GPM6B: variants seen among roughly 807,000 people sequenced by gnomAD.
GPM6B encodes the protein glycoprotein M6B.
GPM6B carries 4 observed loss-of-function variants against 27.2 expected under a neutral mutation model. The observed-to-expected ratio is 0.15, with a 90% confidence interval of 0.07 to 0.34. GPM6B has a LOEUF of 0.34. Ranked by LOEUF, GPM6B falls within the 10% of genes least tolerant of loss-of-function variation. GPM6B has a pLI of 1.00. For synonymous variants in GPM6B, 124 were observed against 103.1 expected (o/e 1.20, Z -1.23); for missense variants, 183 against 261.9 (o/e 0.70, Z 2.08).
chrX:13,837,393 G>A (rs1300131997), intron 1 of GPM6B, among the ~76,000 whole-genome samples: 3 of 111,526 alleles, frequency 2.7e-5, no homozygotes, highest in African/African-American at 9.8e-5. Flanking sequence ...GGGCCGCTGA[G>A]TCACCAGTAG....
intron 2 of GPM6B, among the ~76,000 whole-genome samples, chrX:13,787,117 A>G (rs1394573200): frequency 9.3e-6 from 1 of 107,730 alleles, no homozygotes; most frequent in Non-Finnish European, 1.9e-5. Flanking sequence ...ACCCAGCATA[A>G]AACACCATAG....
At chrX:13,856,065 T>G (rs1167676923) in intron 1 of GPM6B, among the ~76,000 whole-genome samples, 1 of 112,000 alleles carries the variant, frequency 8.9e-6, no homozygotes, top group African/African-American at 3.2e-5. Flanking sequence ...TCTTGCTATT[T>G]TATCCTGTAA....
chrX:13,807,059 T>C (rs1461647221), intron 2 of GPM6B, among the ~76,000 whole-genome samples: 1 of 112,203 alleles, frequency 8.9e-6, no homozygotes, highest in East Asian at 2.8e-4. Flanking sequence ...GAATGGCCAA[T>C]GTTCCTCACG....
chrX:13,916,254 G>A (rs1198605962), intron 1 of GPM6B, among the ~76,000 whole-genome samples: 1 of 112,126 alleles, frequency 8.9e-6, no homozygotes, highest in Admixed American at 9.4e-5. Context: ...ATGGATAAAA[G>A]AGAAGCTCAC....
intron 1 of GPM6B, among the ~76,000 whole-genome samples, chrX:13,840,264 G>T (rs762113423): frequency 9.0e-6 from 1 of 111,178 alleles, no homozygotes; most frequent in African/African-American, 3.3e-5. Flanking sequence ...CAACCCTCCA[G>T]GCTCAGCTCT....
At chrX:13,857,971 C>G (rs2049800800) in intron 1 of GPM6B, among the ~76,000 whole-genome samples, 1 of 112,594 alleles carries the variant, frequency 8.9e-6, no homozygotes, top group Admixed American at 9.4e-5. Context: ...GTGCCAGAAA[C>G]TGAAAGAATA....
intron 1 of GPM6B, among the ~76,000 whole-genome samples, chrX:13,924,921 T>G (rs1481016680): frequency 8.9e-6 from 1 of 112,565 alleles, no homozygotes; most frequent in African/African-American, 3.2e-5. Flanking sequence ...AAGAACTGAT[T>G]TGACTTCTCA....
upstream of GPM6B, among the ~76,000 whole-genome samples, chrX:13,819,822 G>A (rs2049287303): frequency 8.9e-6 from 1 of 112,070 alleles, no homozygotes; most frequent in Admixed American, 9.5e-5. Context: ...ATGGATGGAG[G>A]GGGAAGAGAA....
Position 13,848,202 on chromosome X carries a change from T to A in GPM6B, c.-197-62394A>T, listed in dbSNP as rs554035107. Among the ~76,000 whole-genome samples the A allele has an allele frequency of 2.7e-5, 3 of 112,059 alleles. No homozygotes were observed. In the South Asian group the frequency reaches 1.1e-3, roughly 42 times the overall value. ...TGGGTGCATAAAGACCCAGATCCTT[T>A]GTCCAGCCAACCTTGCAGAGCCTTC... On this transcript the variant is annotated intron_variant, in intron 1 of 6. Transcript: ENST00000398361.
At chrX:13,886,940 C>A (rs959724670) in intron 1 of GPM6B, among the ~76,000 whole-genome samples, 8 of 110,050 alleles carry the variant, frequency 7.3e-5, no homozygotes, top group African/African-American at 2.7e-4. Context: ...CCTCAGCCTC[C>A]CGAGTAGCTG....
chrX:13,920,266 CA>C (rs144988935), intron 1 of GPM6B, among the ~76,000 whole-genome samples: 108 of 22,303 alleles, frequency 4.8e-3, no homozygotes, highest in African/African-American at 0.016. Flanking sequence ...GACTCTGTCT[CA>C]AAAAAAAAAA....
At chrX:13,785,834 G>A (rs1452278751) in intron 2 of GPM6B, 26 bp from the exon 3 acceptor site, 7 of 1,139,997 alleles carry the variant, frequency 6.1e-6, no homozygotes, top group Non-Finnish European at 8.4e-6. Context: ...AGAAAATATA[G>A]CCGTTACGGG....
intron 1 of GPM6B, among the ~76,000 whole-genome samples, chrX:13,810,434 G>C (rs764449982): frequency 2.7e-5 from 3 of 111,533 alleles, no homozygotes; most frequent in Non-Finnish European, 5.6e-5. Context: ...CCCAATAAAC[G>C]CTGGCTGAAT....
intron 1 of GPM6B, among the ~76,000 whole-genome samples, chrX:13,911,891 C>T (rs917937742): frequency 8.9e-6 from 1 of 112,362 alleles, no homozygotes; most frequent in African/African-American, 3.2e-5. Context: ...CATTTCCCTT[C>T]ACACTGAGGA....
Position 13,771,387 on chromosome X carries a change from T to TAAA in GPM6B, c.*1491_*1493dup, listed in dbSNP as rs36124011. On this transcript the variant is annotated 3_prime_UTR_variant, in exon 8 of 8. Coordinates refer to ENST00000316715, the MANE Select transcript of GPM6B (RefSeq NM_001001995.3). ...ACACAGAAGAGAGCTTCTCTTAATT[T>TAAA]AAAAAAAAAAAAAAATCCCAAATAG... 4.0e-5 allele frequency: 4 copies of TAAA among 100,826 alleles called. No homozygotes were observed. Among genetic ancestry groups the TAAA allele is most frequent in the Non-Finnish European group, 8.2e-5 (4 of 49,047 alleles). 8.3% of individuals were successfully genotyped at this position (100,826 alleles called of 1,213,427 possible). A position where few individuals can be genotyped will look rare whatever the true frequency, so the allele number is the denominator to read the frequency against.
At chrX:13,935,677 T>A (rs952487238) in intron 1 of GPM6B, among the ~76,000 whole-genome samples, 2 of 112,601 alleles carry the variant, frequency 1.8e-5, no homozygotes, top group Non-Finnish European at 3.7e-5. Context: ...TTCAGGCCTA[T>A]GAACAAGGTA....
At chrX:13,892,075 A>G (rs957820032) in intron 1 of GPM6B, among the ~76,000 whole-genome samples, 3 of 111,727 alleles carry the variant, frequency 2.7e-5, no homozygotes, top group African/African-American at 9.8e-5. Flanking sequence ...TGTGTACCTA[A>G]GAAGCATTTC....
chrX:13,825,708 CACTTTCTA>C (rs964690687), intron 1 of GPM6B, among the ~76,000 whole-genome samples: 11 of 112,565 alleles, frequency 9.8e-5, no homozygotes, highest in Non-Finnish European at 2.1e-4. Flanking sequence ...AGGGGCAGCC[CACTTTCTA>C]AAGAAATTTG....
At chrX:13,832,446 T>A (rs1412503881) in intron 1 of GPM6B, among the ~76,000 whole-genome samples, 1 of 112,175 alleles carries the variant, frequency 8.9e-6, no homozygotes, top group African/African-American at 3.2e-5. Flanking sequence ...TTCAGGAAAG[T>A]ACCCAGGACT....
Sources: gnomAD v4.1 joint callset for allele counts (sites outside exome capture counted in the v4.1 genomes callset) on GRCh38, gnomAD v4.1.1 for gene constraint, MANE v1.5 for transcripts, NCBI Gene and HGNC (gene_info 2026-07-23, HGNC 2026-07-21) for gene names.